CYFIP1: variants seen among roughly 807,000 people sequenced by gnomAD.
CYFIP1 encodes the protein cytoplasmic FMR1-interacting protein 1.
CYFIP1 carries 58 observed loss-of-function variants against 163.5 expected under a neutral mutation model. The ratio of observed to expected loss-of-function variants is 0.35; its 90% CI spans 0.29 to 0.44. CYFIP1 has a LOEUF of 0.44. Among genes scored for constraint, CYFIP1 ranks in the 20% least tolerant of loss-of-function variants. The pLI is 1.00. For synonymous variants in CYFIP1, 663 were observed against 660.7 expected, an observed-to-expected ratio of 1.00 and a Z score of -0.05; for missense variants, 1,338 against 1,653.8, an observed-to-expected ratio of 0.81 and a Z score of 3.31.
At chr15:22,908,368 T>C (rs2060654296) in intron 21 of CYFIP1, among the ~76,000 whole-genome samples, 1 of 151,906 alleles carries the variant, frequency 6.6e-6, no homozygotes, top group African/African-American at 2.4e-5. Context: ...ACACACATCC[T>C]CACTGGGAAA....
intron 21 of CYFIP1, among the ~76,000 whole-genome samples, chr15:22,906,109 A>T (rs182082421): frequency 0.017 from 2,281 of 137,326 alleles, 64 homozygotes; most frequent in African/African-American, 0.058. Context: ...TTCTCGATTT[A>T]TTTTTTTTTT....
chr15:22,908,655 A>T (rs1057132101), intron 21 of CYFIP1, among the ~76,000 whole-genome samples: 1 of 145,710 alleles, frequency 6.9e-6, no homozygotes. Flanking sequence ...CAGCTTCCGG[A>T]GTAGCTCGGA....
chr15:22,877,888 C>T (rs1268288400), intron 26 of CYFIP1, among the ~76,000 whole-genome samples: 1 of 152,252 alleles, frequency 6.6e-6, no homozygotes, highest in African/African-American at 2.4e-5. Flanking sequence ...CACGCCTGAC[C>T]TCGGACTCCC....
chr15:22,908,491 C>T (rs2060658654), intron 21 of CYFIP1, among the ~76,000 whole-genome samples: 1 of 144,034 alleles, frequency 6.9e-6, no homozygotes, highest in African/African-American at 2.6e-5. Context: ...CCCTTGTGGG[C>T]TCTCTTGGTC....
chr15:22,933,156 C>A lies in CYFIP1; in HGVS notation c.992+646G>T, dbSNP rs547033244. 4.0e-5 allele frequency among the ~76,000 whole-genome samples: 6 copies of A among 150,464 alleles called. No individual in the cohort carries two copies. In the South Asian group the frequency reaches 1.3e-3, roughly 32 times the overall value. Reference sequence around the variant, plus strand: ...ACCCTCTTCTTTTTTTTTAAGACAACCTTTTTAAACATAAAGACTATCACC... The same window carrying A: ...ACCCTCTTCTTTTTTTTTAAGACAAACTTTTTAAACATAAAGACTATCACC... On this transcript the variant is annotated intron_variant, in intron 10 of 30. Transcript: ENST00000617928.
intron 1 of CYFIP1, among the ~76,000 whole-genome samples, chr15:22,960,167 C>A (rs2062627487): frequency 1.3e-5 from 2 of 152,212 alleles, no homozygotes; most frequent in African/African-American, 2.4e-5. Flanking sequence ...CTGCCTCCAG[C>A]CTGAGGTCAA....
intron 11 of CYFIP1, 37 bp downstream of exon 11, chr15:22,932,186 C>T (rs538891855): frequency 6.6e-7 from 1 of 1,506,030 alleles, no homozygotes; most frequent in Non-Finnish European, 9.1e-7. Context: ...ACAGGCGACC[C>T]TCGGGTGCCT....
chr15:22,939,557 T>TA (rs56068008), intron 6 of CYFIP1, 50 bp from the exon 7 acceptor site: 11,421 of 284,212 alleles, frequency 0.04, 162 homozygotes, highest in African/African-American at 0.086. Flanking sequence ...GTGCCACATT[T>TA]AAAAAAAAAA....
At chr15:22,967,682 G>A (rs1421506364) in intron 1 of CYFIP1, among the ~76,000 whole-genome samples, 2 of 152,184 alleles carry the variant, frequency 1.3e-5, no homozygotes, top group African/African-American at 4.8e-5. Context: ...AGGCTTCTCA[G>A]GTGCCCATCA....
chr15:22,951,487 G>C, intron 1 of CYFIP1: 3 of 1,288,986 alleles, frequency 2.3e-6, no homozygotes, highest in Non-Finnish European at 3.0e-6. Context: ...GCTCGGAGGG[G>C]CCAGGCTGCC....
At chr15:22,972,752 C>A (rs1352189293) in intron 1 of CYFIP1, among the ~76,000 whole-genome samples, 2 of 152,110 alleles carry the variant, frequency 1.3e-5, no homozygotes, top group African/African-American at 4.8e-5. Context: ...GGTGGCTTAG[C>A]CTATAATCCC....
Position 22,903,865 on chromosome 15 carries a change from T to C in CYFIP1, c.2429A>G (p.Lys810Arg), listed in dbSNP as rs1245581083. 1 of 1,614,050 alleles carries C rather than the reference T, an allele frequency of 6.2e-7. No homozygotes were observed. Among genetic ancestry groups the C allele is most frequent in the Non-Finnish European group, 8.5e-7 (1 of 1,180,044 alleles). The change falls in exon 22 of 31, where the codon AAG becomes AGG. Residue 810 changes from lysine to arginine, a missense_variant. By Grantham distance (26) the Lys-to-Arg change is conservative. This residue lies in a region of CYFIP1 where 824 missense variants were observed against 995.7 expected (regional missense o/e 0.83). Coordinates refer to ENST00000617928, the MANE Select transcript of CYFIP1 (RefSeq NM_014608.6). ...GLLEINRMTH[K>R]LLSRYLTLDG... ...CAGCGTCAGGTACCGGCTCAGCAGC[T>C]TGTGGGTCATGCGGTTGATTTCCAA...
intron 30 of CYFIP1, among the ~76,000 whole-genome samples, chr15:22,871,660 ACAGT>A (rs1202999399): frequency 6.6e-6 from 1 of 152,168 alleles, no homozygotes; most frequent in Non-Finnish European, 1.5e-5. Context: ...CAATATAGTC[ACAGT>A]CAGGGAATGT....
intron 30 of CYFIP1, among the ~76,000 whole-genome samples, chr15:22,871,148 GCAC>G (rs1312541588): frequency 6.6e-6 from 1 of 152,150 alleles, no homozygotes; most frequent in Non-Finnish European, 1.5e-5. Context: ...AGATACAAAT[GCAC>G]ATCTTGGGGG....
intron 1 of CYFIP1, among the ~76,000 whole-genome samples, chr15:22,960,022 C>T (rs1344137432): frequency 6.6e-6 from 1 of 152,232 alleles, no homozygotes; most frequent in East Asian, 1.9e-4. Context: ...AGTAGCAGCC[C>T]AGCCCTTCTC....
chr15:22,908,520 T>G (rs1231124547), intron 21 of CYFIP1, among the ~76,000 whole-genome samples: 2 of 41,148 alleles, frequency 4.9e-5, no homozygotes, highest in African/African-American at 1.1e-4. Context: ...AGATATTTCT[T>G]TTTTTTTTTT....
intron 22 of CYFIP1, among the ~76,000 whole-genome samples, chr15:22,896,060 T>C (rs1451948033): frequency 1.3e-5 from 2 of 152,160 alleles, no homozygotes; most frequent in Non-Finnish European, 2.9e-5. Context: ...TCCTGAACTG[T>C]AACCTGCTGG....
intron 23 of CYFIP1, among the ~76,000 whole-genome samples, chr15:22,886,292 C>T (rs1179081253): frequency 6.6e-6 from 1 of 152,116 alleles, no homozygotes; most frequent in African/African-American, 2.4e-5. Flanking sequence ...CAAGGTGGTT[C>T]CTGCAGAAGG....
intron 3 of CYFIP1, among the ~76,000 whole-genome samples, chr15:22,945,429 A>G (rs944080402): frequency 3.9e-5 from 6 of 152,160 alleles, no homozygotes; most frequent in Non-Finnish European, 8.8e-5. Flanking sequence ...CAGCACTTAA[A>G]ATCTAGGTAG....
Sources: allele counts gnomAD v4.1 joint callset (sites outside exome capture counted in the v4.1 genomes callset), GRCh38; gene constraint gnomAD v4.1.1; regional missense constraint gnomAD v4.1.1; transcripts MANE v1.5; gene names NCBI Gene and HGNC (gene_info 2026-07-23, HGNC 2026-07-21).